The following F2RL1 variants were observed in gnomAD, a reference collection of about 807,000 sequenced individuals.
F2RL1 encodes proteinase-activated receptor 2.
In F2RL1, 16 loss-of-function variants were observed where a neutral mutation model predicts 21.7. The observed-to-expected ratio is 0.74, with a 90% CI of 0.50 to 1.12. The LOEUF (loss-of-function observed/expected upper bound fraction) is 1.12. Ranked by LOEUF, F2RL1 falls within the 50% of genes most tolerant of loss-of-function variation. The pLI is 0.00. For missense variants in F2RL1, 432 were observed against 477.8 expected (o/e 0.90, Z 0.89); for synonymous variants, 181 against 186.7 (o/e 0.97, Z 0.25).
At chr5:76,821,084 G>A (rs1397811475) in intron 1 of F2RL1, among the ~76,000 whole-genome samples, 1 of 152,104 alleles carries the variant, frequency 6.6e-6, no homozygotes, top group Non-Finnish European at 1.5e-5. Flanking sequence ...GGCCGATTTG[G>A]GGTTTGATTT....
chr5:76,833,309 C>A lies in F2RL1; in HGVS notation c.702C>A (p.Leu234=), dbSNP rs769596388. 5.0e-6 allele frequency: 8 copies of A among 1,614,016 alleles called. No individual in the cohort carries two copies. Among genetic ancestry groups the A allele is most frequent in the Non-Finnish European group, 5.9e-6 (7 of 1,180,040 alleles). ...TTCHDVLPEQ[L]LVGDMFNYFL... is the part of the protein sequence containing the mutation. The stretch of plus-strand genomic sequence containing the variant: ...GTCATGATGTTTTGCCTGAGCAGCT[C>A]TTGGTGGGAGACATGTTCAATTACT... The change falls in exon 2 of 2, where the codon CTC becomes CTA. Residue 234 remains leucine (L), a synonymous_variant. Coordinates refer to ENST00000296677, the MANE Select transcript of F2RL1 (RefSeq NM_005242.6).
At chr5:76,825,470 T>G (rs1451163353) in intron 1 of F2RL1, among the ~76,000 whole-genome samples, 1 of 152,216 alleles carries the variant, frequency 6.6e-6, no homozygotes, top group African/African-American at 2.4e-5. Context: ...GATGCTGCCT[T>G]GAGCATCTGT....
In F2RL1 at chr5:76,819,265, G is replaced by A. The variant is rs1440032598; in HGVS notation, c.82+1G>A. 4.2e-5 allele frequency: 66 copies of A among 1,588,950 alleles called. No individual in the cohort carries two copies. Among genetic ancestry groups the A allele is most frequent in the Non-Finnish European group, 5.1e-5 (60 of 1,176,492 alleles). Reference sequence around the variant, plus strand: ...CTCTCCTGCAGTGGCACCATCCAAGGTGAGAAACCTGGCCAAGGAGGGCTC... The same window carrying A: ...CTCTCCTGCAGTGGCACCATCCAAGATGAGAAACCTGGCCAAGGAGGGCTC... On this transcript the variant is annotated splice_donor_variant, in intron 1 of 1. Transcript: ENST00000296677. LOFTEE classifies it high-confidence loss of function.
Position 76,819,107 on chromosome 5 carries a change from G to T in F2RL1, c.-76G>T, listed in dbSNP as rs1382585259. 1.2e-5 allele frequency: 14 copies of T among 1,203,154 alleles called. 1 individual carries two copies. The South Asian group carries it at 1.6e-4, about 14-fold the overall frequency. The allele number at this position is 1,203,154 out of a possible 1,614,324, so 74.5% of individuals were successfully genotyped here. ...GGTGAGAGGCTGACTTTCTCTCGGT[G>T]CGTCCAGTGGAGCTCTGAGTTTCGA... On this transcript the variant is annotated 5_prime_UTR_variant, in exon 1 of 2. Transcript: ENST00000296677.
intron 1 of F2RL1, among the ~76,000 whole-genome samples, chr5:76,819,981 C>G (rs961556138): frequency 6.6e-5 from 10 of 152,258 alleles, no homozygotes; most frequent in African/African-American, 2.4e-4. Flanking sequence ...CGAGGATTTA[C>G]GAGCGGAACT....
At chr5:76,829,125 A>C (rs1355812606) in intron 1 of F2RL1, among the ~76,000 whole-genome samples, 1 of 151,992 alleles carries the variant, frequency 6.6e-6, no homozygotes. Flanking sequence ...CAAAAAAAAA[A>C]ACAAGTTATT....
chr5:76,822,265 T>G (rs1348403377), intron 1 of F2RL1, among the ~76,000 whole-genome samples: 2 of 152,178 alleles, frequency 1.3e-5, no homozygotes, highest in African/African-American at 2.4e-5. Context: ...TTGCCCAGGC[T>G]GTAGTGCAGT....
intron 1 of F2RL1, among the ~76,000 whole-genome samples, chr5:76,823,163 G>A (rs2243019): frequency 0.012 from 1,818 of 151,262 alleles, 47 homozygotes; most frequent in African/African-American, 0.042. Context: ...CCGGGAGGTC[G>A]AGCTTGCAGT....
At chr5:76,819,354 G>C (rs1198073183) in intron 1 of F2RL1, 90 bp downstream of exon 1, 8 of 1,136,490 alleles carry the variant, frequency 7.0e-6, no homozygotes, top group Non-Finnish European at 9.9e-6. Context: ...GCAGGTGTGC[G>C]AAGGCTGTTC....
At chr5:76,819,403 C>A in intron 1 of F2RL1, 139 bp downstream of exon 1, 1 of 724,116 alleles carries the variant, frequency 1.4e-6, no homozygotes, top group Non-Finnish European at 2.2e-6. Flanking sequence ...CTTAGCCTCC[C>A]CTTGGTGGCT....
In F2RL1 at chr5:76,833,840, G is replaced by A. The variant is rs1356965647; in HGVS notation, c.*39G>A. The stretch of plus-strand genomic sequence containing the variant: ...TCAGATGGGAATTGCACAGTAGGAT[G>A]TGGAACCTGTTTAATGTTATGAGGA... On this transcript the variant is annotated 3_prime_UTR_variant, in exon 2 of 2. Coordinates refer to ENST00000296677, the MANE Select transcript of F2RL1 (RefSeq NM_005242.6). The A allele has an allele frequency of 1.9e-6, 3 of 1,585,414 alleles. No individual in the cohort carries two copies. The highest frequency in any genetic ancestry group is 2.2e-5 in the East Asian group (1 of 44,548).
intron 1 of F2RL1, among the ~76,000 whole-genome samples, chr5:76,828,148 T>C (rs992792975): frequency 1.3e-5 from 2 of 151,986 alleles, no homozygotes; most frequent in Non-Finnish European, 1.5e-5. Flanking sequence ...TTTGTATTTT[T>C]AGTAGAGATG....
intron 1 of F2RL1, among the ~76,000 whole-genome samples, chr5:76,820,692 C>T (rs1323152302): frequency 6.6e-6 from 1 of 152,056 alleles, no homozygotes; most frequent in Non-Finnish European, 1.5e-5. Flanking sequence ...TTCAGAGATC[C>T]CTGTAGGAAG....
chr5:76,827,352 A>T (rs1750261054), intron 1 of F2RL1, among the ~76,000 whole-genome samples: 2 of 139,080 alleles, frequency 1.4e-5, no homozygotes, highest in Admixed American at 1.4e-4. Context: ...AAAAAAAATT[A>T]GCCAGGCGTG....
At chr5:76,821,653 T>C (rs560572918) in intron 1 of F2RL1, among the ~76,000 whole-genome samples, 61 of 149,970 alleles carry the variant, frequency 4.1e-4, no homozygotes, top group African/African-American at 1.4e-3. Flanking sequence ...TTTTGGCTCA[T>C]TGCAACCTCC....
intron 1 of F2RL1, among the ~76,000 whole-genome samples, chr5:76,821,559 G>GT (rs149802566): frequency 0.35 from 49,283 of 142,744 alleles, 9,146 homozygotes; most frequent in African/African-American, 0.46. Context: ...TGGTTTGGTG[G>GT]TTTTTTTTTG....
At chr5:76,828,479 T>A in intron 1 of F2RL1, among the ~76,000 whole-genome samples, 1 of 136,686 alleles carries the variant, frequency 7.3e-6, no homozygotes, top group Non-Finnish European at 1.5e-5. Context: ...GTATTCAAAT[T>A]TCTTTCTTTT....
At position 76,832,690 on chromosome 5, in the gene F2RL1, G is replaced by T; in HGVS notation, c.83G>T (p.Gly28Val). Reference sequence around the variant, plus strand: ...ACCCTTGTCTTCCTTTCTTGTACAGGAACCAGTAGATCCTCTAAAGGAAGA... The same window carrying T: ...ACCCTTGTCTTCCTTTCTTGTACAGTAACCAGTAGATCCTCTAAAGGAAGA... ...ASLSCSGTIQ[G>V]TSRSSKGRSL... Residue 28 changes from glycine (G) to valine (V), a missense_variant and splice_region_variant, in exon 2 of 2, where the codon GGA (glycine) becomes GTA (valine). Gly to Val is a moderately radical substitution (Grantham distance 109). Transcript: ENST00000296677. 6.3e-7 allele frequency: 1 copy of T among 1,597,334 alleles called. No homozygotes were observed. The highest frequency in any genetic ancestry group is 1.7e-4 in the Middle Eastern group (1 of 5,956).
At chr5:76,825,080 C>A (rs1018559121) in intron 1 of F2RL1, among the ~76,000 whole-genome samples, 3 of 149,382 alleles carry the variant, frequency 2.0e-5, no homozygotes, top group African/African-American at 7.4e-5. Flanking sequence ...GATCTCGGCT[C>A]ACTGCAACCT....
Sources: gnomAD v4.1 joint callset for allele counts (sites outside exome capture counted in the v4.1 genomes callset) on GRCh38, gnomAD v4.1.1 for gene constraint, MANE v1.5 for transcripts, NCBI Gene and HGNC (gene_info 2026-07-23, HGNC 2026-07-21) for gene names.